Variants in CTNNA3 observed in about 807,000 individuals in gnomAD.
The protein encoded by CTNNA3 is catenin alpha-3.
A neutral mutation model predicts 95.7 loss-of-function variants in CTNNA3; 76 were observed. The observed-to-expected ratio is 0.79, with a 90% CI of 0.66 to 0.96. The LOEUF (loss-of-function observed/expected upper bound fraction) is 0.96. Ranked by LOEUF, CTNNA3 falls within the 40% of genes least tolerant of loss-of-function variation. The pLI is 0.00. For missense variants in CTNNA3, 1,191 were observed against 1,089.8 expected (o/e 1.09, Z -1.31); for synonymous variants, 431 against 374.4 (o/e 1.15, Z -1.74).
chr10:67,675,469 G>A (rs1840518785), intron 1 of CTNNA3, among the ~76,000 whole-genome samples: 1 of 152,062 alleles, frequency 6.6e-6, no homozygotes, highest in African/African-American at 2.4e-5. Context: ...AGGCCACTTG[G>A]AGCATATTCT....
At chr10:66,193,765 A>G (rs2086800937) in intron 13 of CTNNA3, among the ~76,000 whole-genome samples, 1 of 152,136 alleles carries the variant, frequency 6.6e-6, no homozygotes, top group African/African-American at 2.4e-5. Flanking sequence ...ATTTCTTTCT[A>G]AAAAGCATGG....
At position 67,402,469 on chromosome 10, in the gene CTNNA3, C is replaced by T. The variant is rs548353048; in HGVS notation, c.579+119373G>A. On this transcript the variant is annotated intron_variant, in intron 5 of 17. Transcript: ENST00000433211. ...AATTAGAAGTAGCTATGGTGCATGG[C>T]ACTCATAAAGAGGAAGAAAAGCAGT... 1.2e-3 allele frequency among the ~76,000 whole-genome samples: 187 copies of T among 152,238 alleles called. 1 individual carries two copies. Among genetic ancestry groups the T allele is most frequent in the African/African-American group, 3.2e-3 (135 of 41,540 alleles).
chr10:66,303,227 G>T (rs1490956889), intron 12 of CTNNA3, among the ~76,000 whole-genome samples: 1 of 151,424 alleles, frequency 6.6e-6, no homozygotes, highest in East Asian at 1.9e-4. Context: ...AAAGCATAAA[G>T]ATGAAAAAAG....
At chr10:66,048,622 G>T (rs139527243) in intron 15 of CTNNA3, among the ~76,000 whole-genome samples, 1 of 152,064 alleles carries the variant, frequency 6.6e-6, no homozygotes, top group African/African-American at 2.4e-5. Flanking sequence ...TTAGCCAGGC[G>T]TGCTGGTGGG....
chr10:67,131,454 A>T (rs1859999457), intron 7 of CTNNA3, among the ~76,000 whole-genome samples: 2 of 152,066 alleles, frequency 1.3e-5, no homozygotes, highest in African/African-American at 4.8e-5. Context: ...TTGTGTTATT[A>T]TTATTATTAA....
rs200308034 is a variant in CTNNA3 at position 67,201,465 on chromosome 10, TA to T, written c.843+18141del. Among the ~76,000 whole-genome samples the T allele has an allele frequency of 8.4e-3, 1,276 of 152,088 alleles. 13 individuals are homozygous for T. The highest frequency in any genetic ancestry group is 0.029 in the African/African-American group (1,218 of 41,508). On this transcript the variant is annotated intron_variant, in intron 6 of 17. Transcript: ENST00000433211. The stretch of plus-strand genomic sequence containing the variant: ...CTTATGTCTATTCTTTTTTTTTTAT[TA>T]TTTTTTTATTATTATACTTTAAGTT...
chr10:66,502,534 C>T (rs1321986919), intron 11 of CTNNA3, among the ~76,000 whole-genome samples: 3 of 152,036 alleles, frequency 2.0e-5, no homozygotes, highest in Non-Finnish European at 4.4e-5. Context: ...TCCTCAGTCT[C>T]GTACCTCCCT....
Position 66,927,545 on chromosome 10 carries a change from T to C in CTNNA3, c.1048-152021A>G. 1 of 1,614,194 alleles carries C rather than the reference T, an allele frequency of 6.2e-7. No individual in the cohort carries two copies. Among genetic ancestry groups the C allele is most frequent in the South Asian group, 1.1e-5 (1 of 91,086 alleles). ...GCTGGCATGATCAGACTCAAAGAAC[T>C]TCACCTGGAGCACAATCAATTTTCC... On this transcript the variant is annotated intron_variant, in intron 7 of 17. Coordinates refer to ENST00000433211, the MANE Select transcript of CTNNA3 (RefSeq NM_013266.4). This position sits in a 1 kb window ranked among gnomAD's most constrained non-coding sequence, Gnocchi z 4.7.
chr10:66,603,060 T>G (rs1470238344), intron 10 of CTNNA3, among the ~76,000 whole-genome samples: 1 of 152,068 alleles, frequency 6.6e-6, no homozygotes, highest in Non-Finnish European at 1.5e-5. Flanking sequence ...TTTGCCAATT[T>G]TATCCAACAT....
intron 15 of CTNNA3, among the ~76,000 whole-genome samples, chr10:66,019,895 G>A (rs145772168): frequency 1.5e-3 from 234 of 152,046 alleles, no homozygotes; most frequent in African/African-American, 4.4e-3. Flanking sequence ...CTATTTTATC[G>A]CTGCAGTATT....
intron 5 of CTNNA3, among the ~76,000 whole-genome samples, chr10:67,494,951 G>A (rs1838978323): frequency 6.6e-6 from 1 of 152,080 alleles, no homozygotes; most frequent in African/African-American, 2.4e-5. Context: ...CTTTCAAAAA[G>A]AATAAATATT....
At chr10:67,368,838 G>T (rs996315663) in intron 5 of CTNNA3, among the ~76,000 whole-genome samples, 1 of 152,160 alleles carries the variant, frequency 6.6e-6, no homozygotes, top group African/African-American at 2.4e-5. Context: ...GCAGATCAGT[G>T]GTTACCTGTG....
At chr10:67,450,045 A>C (rs1465276403) in intron 5 of CTNNA3, among the ~76,000 whole-genome samples, 1 of 152,216 alleles carries the variant, frequency 6.6e-6, no homozygotes, top group Non-Finnish European at 1.5e-5. Flanking sequence ...ATATGAAAAA[A>C]AGCTCAATAT....
At chr10:66,639,446 G>A (rs1408335016) in intron 9 of CTNNA3, among the ~76,000 whole-genome samples, 1 of 152,034 alleles carries the variant, frequency 6.6e-6, no homozygotes, top group Non-Finnish European at 1.5e-5. Context: ...AGGAGAAATG[G>A]CAGTATAGGT....
At chr10:66,177,537 C>A (rs553684268) in intron 13 of CTNNA3, among the ~76,000 whole-genome samples, 1 of 151,582 alleles carries the variant, frequency 6.6e-6, no homozygotes, top group Non-Finnish European at 1.5e-5. Context: ...TCTAGACGAA[C>A]GATAAAAAGC....
Position 67,260,691 on chromosome 10 carries a change from T to G in CTNNA3, c.580-40821A>C, listed in dbSNP as rs182080907. Among the ~76,000 whole-genome samples, 1,209 of 152,154 alleles carry G rather than the reference T, an allele frequency of 7.9e-3. 11 individuals are homozygous for G. Among genetic ancestry groups the G allele is most frequent in the Non-Finnish European group, 0.014 (920 of 68,000 alleles). On this transcript the variant is annotated intron_variant, in intron 5 of 17. Coordinates refer to ENST00000433211, the MANE Select transcript of CTNNA3 (RefSeq NM_013266.4). Reference sequence around the variant, plus strand: ...TTTTGTTTTGTTTTTTTGTTTTTTTTTTGTTTTTTTGAGGTGGAGTTTCAC... The same window carrying G: ...TTTTGTTTTGTTTTTTTGTTTTTTTGTTGTTTTTTTGAGGTGGAGTTTCAC...
At chr10:66,817,288 C>A (rs1842126429) in intron 7 of CTNNA3, among the ~76,000 whole-genome samples, 2 of 146,686 alleles carry the variant, frequency 1.4e-5, no homozygotes, top group African/African-American at 4.9e-5. Context: ...CAAACTAAAC[C>A]CAAATCAAGA....
rs373441484 is a variant in CTNNA3, at chr10:67,741,251, T to C, written c.-2+22183A>G. Among the ~76,000 whole-genome samples, 354 of 149,182 alleles carry C rather than the reference T, an allele frequency of 2.4e-3. 19 individuals are homozygous for C. The South Asian group carries it at 0.028, about 12-fold the overall frequency. On this transcript the variant is annotated intron_variant, in intron 1 of 17. Transcript: ENST00000684154. ...GTGCAGCGCACCAGCATGGCACATG[T>C]ATACCTATGTAACTAACCTGCACAT...
chr10:66,396,634 T>A (rs1251389899), intron 11 of CTNNA3, among the ~76,000 whole-genome samples: 1 of 151,982 alleles, frequency 6.6e-6, no homozygotes, highest in East Asian at 1.9e-4. Context: ...ATTAAGCATT[T>A]TAAAGAAATG....
Sources: allele counts gnomAD v4.1 joint callset (sites outside exome capture counted in the v4.1 genomes callset), GRCh38; gene constraint gnomAD v4.1.1; non-coding constraint Gnocchi (gnomAD v3.1); transcripts MANE v1.5; gene names NCBI Gene and HGNC (gene_info 2026-07-23, HGNC 2026-07-21).